AATF: variants seen among roughly 807,000 people sequenced by gnomAD.
The protein encoded by AATF is protein AATF.
AATF carries 48 observed loss-of-function variants against 63.7 expected under a neutral mutation model. The ratio of observed to expected loss-of-function variants is 0.75; its 90% confidence interval spans 0.60 to 0.96. The LOEUF (loss-of-function observed/expected upper bound fraction) is 0.96, where lower values mean the gene tolerates loss of function less well. Among genes scored for constraint, AATF ranks in the 40% least tolerant of loss-of-function variants. AATF has a pLI of 0.00. For synonymous variants in AATF, 258 were observed against 247.7 expected, an observed-to-expected ratio of 1.04 and a Z score of -0.39; for missense variants, 639 against 685.7, an observed-to-expected ratio of 0.93 and a Z score of 0.76.
At chr17:37,018,769 C>T (rs2071446776) in intron 8 of AATF, among the ~76,000 whole-genome samples, 1 of 152,196 alleles carries the variant, frequency 6.6e-6, no homozygotes, top group African/African-American at 2.4e-5. Flanking sequence ...AACTGCGGTA[C>T]AATAAGTCTT....
At chr17:37,007,390 G>A (rs1458375785) in intron 8 of AATF, among the ~76,000 whole-genome samples, 1 of 124,974 alleles carries the variant, frequency 8.0e-6, no homozygotes, top group Admixed American at 8.9e-5. Context: ...TTTTTTTAGC[G>A]ACAGGTTCTC....
Position 36,964,984 on chromosome 17 carries a change from G to A in AATF, c.832+11077G>A, listed in dbSNP as rs138973822. ...TTACTGTCAGTTTGCTGCCAAACAT[G>A]CATCCAGAGTAAGTTATCTGAGTTC... On this transcript the variant is annotated intron_variant, in intron 4 of 11. Transcript: ENST00000619387. Among the ~76,000 whole-genome samples the A allele has an allele frequency of 1.4e-4, 21 of 152,276 alleles. No individual in the cohort carries two copies. The East Asian group carries it at 3.9e-3, about 28-fold the overall frequency.
Position 37,029,115 on chromosome 17 carries a change from G to T in AATF, c.1548-2499G>T, listed in dbSNP as rs2071532890. ...ACTGCACTCCAGCCTGAGCTACAAA[G>T]CCCAGACCGGAGGGCTCACTGCAGT... On this transcript the variant is annotated intron_variant, in intron 10 of 11. Coordinates refer to ENST00000619387, the MANE Select transcript of AATF (RefSeq NM_012138.4). 4.6e-5 allele frequency among the ~76,000 whole-genome samples: 7 copies of T among 152,088 alleles called. No homozygotes were observed. In the South Asian group the frequency reaches 1.4e-3, roughly 32 times the overall value.
In AATF at chr17:36,949,134, G is replaced by T; in HGVS notation, c.9G>T (p.Gly3=). The change falls in exon 1 of 12, where the codon GGG becomes GGT. Residue 3 remains glycine, a synonymous_variant. Transcript: ENST00000619387. MA[G]PQPLALQLEQ... is the part of the protein sequence containing the mutation. Reference sequence around the variant, plus strand: ...ACCGGGAGCTGGTGACGATGGCGGGGCCGCAGCCCCTGGCGCTGCAACTGG... The same window carrying T: ...ACCGGGAGCTGGTGACGATGGCGGGTCCGCAGCCCCTGGCGCTGCAACTGG... The T allele has an allele frequency of 6.3e-7, 1 of 1,579,562 alleles. No individual in the cohort carries two copies. Among genetic ancestry groups the T allele is most frequent in the South Asian group, 1.2e-5 (1 of 86,028 alleles).
intron 8 of AATF, among the ~76,000 whole-genome samples, chr17:37,000,644 A>G: frequency 6.6e-6 from 1 of 152,184 alleles, no homozygotes; most frequent in Non-Finnish European, 1.5e-5. Context: ...TATAGGTTGT[A>G]TTTAATACCA....
intron 4 of AATF, among the ~76,000 whole-genome samples, chr17:36,962,074 C>T (rs1027923893): frequency 1.3e-5 from 2 of 152,128 alleles, no homozygotes; most frequent in Non-Finnish European, 2.9e-5. Flanking sequence ...CAGTTGTTTT[C>T]CTACACTCCT....
chr17:36,950,539 G>T, intron 2 of AATF, 134 bp downstream of exon 2: 2 of 936,454 alleles, frequency 2.1e-6, no homozygotes, highest in Non-Finnish European at 3.1e-6. Context: ...GGCTCTTGTT[G>T]CCCAGGCTGG....
intron 8 of AATF, among the ~76,000 whole-genome samples, chr17:37,003,859 C>A (rs941136625): frequency 1.3e-5 from 2 of 151,356 alleles, no homozygotes; most frequent in Non-Finnish European, 2.9e-5. Context: ...TCCCAGTGCT[C>A]TGGGAGGCCA....
chr17:37,036,527 A>G (rs559015383), intron 11 of AATF, among the ~76,000 whole-genome samples: 1 of 152,208 alleles, frequency 6.6e-6, no homozygotes, highest in South Asian at 2.1e-4. Flanking sequence ...GAGTAGTGTT[A>G]TCTATTTAGT....
intron 11 of AATF, chr17:37,051,018 T>A (rs566877243): frequency 6.6e-6 from 1 of 152,346 alleles, no homozygotes; most frequent in East Asian, 1.9e-4. Flanking sequence ...CAAGTGGTCT[T>A]CCCACCTCAA....
At chr17:37,038,958 A>G (rs1030238039) in intron 11 of AATF, among the ~76,000 whole-genome samples, 7 of 152,218 alleles carry the variant, frequency 4.6e-5, no homozygotes, top group Admixed American at 2.6e-4. Context: ...ATGCCCTGGT[A>G]TAATAGAAAT....
intron 8 of AATF, among the ~76,000 whole-genome samples, chr17:37,003,331 A>G (rs1333692479): frequency 6.6e-6 from 1 of 152,146 alleles, no homozygotes; most frequent in African/African-American, 2.4e-5. Flanking sequence ...AGACCCAAAC[A>G]TAAGAGCTGA....
chr17:36,949,673 C>G (rs1567961175), intron 1 of AATF, among the ~76,000 whole-genome samples: 1 of 152,370 alleles, frequency 6.6e-6, no homozygotes, highest in Admixed American at 6.5e-5. Flanking sequence ...CTCTTGAAGT[C>G]TCAAGACACT....
intron 8 of AATF, among the ~76,000 whole-genome samples, chr17:36,992,508 A>C (rs913601777): frequency 6.6e-6 from 1 of 152,198 alleles, no homozygotes; most frequent in African/African-American, 2.4e-5. Context: ...TCATTAATTG[A>C]AGTGTACATT....
At chr17:36,972,281 C>A (rs551912928) in intron 4 of AATF, among the ~76,000 whole-genome samples, 173 of 152,244 alleles carry the variant, frequency 1.1e-3, no homozygotes, top group African/African-American at 3.8e-3. Flanking sequence ...TGGGTTAGAA[C>A]TGAAAAATGA....
chr17:37,004,175 C>CA (rs1346161614), intron 8 of AATF, among the ~76,000 whole-genome samples: 1 of 151,428 alleles, frequency 6.6e-6, no homozygotes, highest in African/African-American at 2.4e-5. Flanking sequence ...ACTAAAAATA[C>CA]AAAAAATTAG....
In AATF at chr17:36,986,547, G is replaced by C. The variant is rs1346338443; in HGVS notation, c.833-70G>C. ...AGCCAGAACTGCTCAGGAGTCATGA[G>C]TTATAGGCATCACCTACTTTGGAGA... On this transcript the variant is annotated intron_variant, in intron 4 of 11. Coordinates refer to ENST00000619387, the MANE Select transcript of AATF (RefSeq NM_012138.4). 6.1e-6 allele frequency: 8 copies of C among 1,304,084 alleles called. No homozygotes were observed. In the Admixed American group the frequency reaches 1.2e-4, roughly 19 times the overall value. The allele number at this position is 1,304,084 out of a possible 1,614,324, so 80.8% of individuals were successfully genotyped here. A position where few individuals can be genotyped will look rare whatever the true frequency, so the allele number is the denominator to read the frequency against.
At chr17:37,030,163 A>G (rs1446443307) in intron 10 of AATF, among the ~76,000 whole-genome samples, 1 of 151,858 alleles carries the variant, frequency 6.6e-6, no homozygotes, top group Non-Finnish European at 1.5e-5. Flanking sequence ...CTTCTGCCTC[A>G]GCCTCCCCAA....
At chr17:37,041,339 A>G (rs536100785) in intron 11 of AATF, among the ~76,000 whole-genome samples, 1 of 152,288 alleles carries the variant, frequency 6.6e-6, no homozygotes, top group South Asian at 2.1e-4. Context: ...GAACATATAT[A>G]TACAGAAATC....
Sources: gnomAD v4.1 joint callset for allele counts (sites outside exome capture counted in the v4.1 genomes callset) on GRCh38, gnomAD v4.1.1 for gene constraint, MANE v1.5 for transcripts, NCBI Gene and HGNC (gene_info 2026-07-23, HGNC 2026-07-21) for gene names.